The following PCYT2 variants were observed in gnomAD, a reference collection of about 807,000 sequenced individuals.
PCYT2 encodes ethanolamine-phosphate cytidylyltransferase.
Under a neutral mutation model 50.0 loss-of-function variants are expected in PCYT2, and 33 were observed. The observed-to-expected ratio is 0.66, with a 90% confidence interval of 0.50 to 0.88. The LOEUF (loss-of-function observed/expected upper bound fraction) is 0.88. PCYT2 is among the 40% of genes least tolerant of loss of function. PCYT2 has a pLI of 0.00. For missense variants in PCYT2, 430 were observed against 519.7 expected (o/e 0.83, Z 1.68); for synonymous variants, 240 against 203.7 (o/e 1.18, Z -1.52).
chr17:81,901,403 C>G lies in PCYT2; in HGVS notation c.*3430G>C, dbSNP rs35175733. ...ACACCCTCACAGACACACCCAGTGA[C>G]AATACTTTGCATCCTTCAATCCAGT... On this transcript the variant is annotated 3_prime_UTR_variant, in exon 13 of 13. Coordinates refer to ENST00000538936, the MANE Select transcript of PCYT2 (RefSeq NM_002861.5). The G allele has an allele frequency of 6.6e-6, 1 of 152,260 alleles. No homozygotes were observed. Among genetic ancestry groups the G allele is most frequent in the Admixed American group, 6.5e-5 (1 of 15,288 alleles). 9.4% of individuals were successfully genotyped at this position (152,260 alleles called of 1,614,324 possible). A position where few individuals can be genotyped will look rare whatever the true frequency, so the allele number is the denominator to read the frequency against.
rs769297757 is a variant in PCYT2 at position 81,903,724 on chromosome 17, C to T, written c.*1109G>A. Reference sequence around the variant, plus strand: ...GAGAGCCTCGCGTGCACCTCGCCTCCAGCTCCTGTGCTGGGTCGTGAGGTC... The same window carrying T: ...GAGAGCCTCGCGTGCACCTCGCCTCTAGCTCCTGTGCTGGGTCGTGAGGTC... On this transcript the variant is annotated 3_prime_UTR_variant, in exon 13 of 13. Transcript: ENST00000538936. 1 of 152,334 alleles carries T rather than the reference C, an allele frequency of 6.6e-6. No homozygotes were observed. The highest frequency in any genetic ancestry group is 2.4e-5 in the African/African-American group (1 of 41,456). The allele number at this position is 152,334 out of a possible 1,614,324, so 9.4% of individuals were successfully genotyped here.
In PCYT2 at chr17:81,908,968, A is replaced by G. The variant is rs749590346; in HGVS notation, c.248T>C (p.Ile83Thr). 1 of 1,614,006 alleles carries G rather than the reference A, an allele frequency of 6.2e-7. No homozygotes were observed. The highest frequency in any genetic ancestry group is 8.5e-7 in the Non-Finnish European group (1 of 1,180,000). The stretch of plus-strand genomic sequence containing the variant: ...TGGCACCACCTCGTCCACCCATTTG[A>G]TGGCCTGCACCATCTTGTATCTCTC... ...QEERYKMVQA[I>T]KWVDEVVPAA... Residue 83 changes from isoleucine to threonine, a missense_variant, in exon 3 of 13, where the codon ATC (isoleucine) becomes ACC (threonine). Ile to Thr is a moderately conservative substitution (Grantham distance 89). Transcript: ENST00000538936.
In PCYT2 at chr17:81,906,770, G is replaced by A. The variant is rs528044817; in HGVS notation, c.666C>T (p.Phe222=). 36 of 1,612,902 alleles carry A rather than the reference G, an allele frequency of 2.2e-5. No individual in the cohort carries two copies. In the Admixed American group the frequency reaches 2.3e-4, roughly 10 times the overall value. ...AGGCCCAGAGGATACGGAACAGGTC[G>A]AAGGCACCAGCCACATAGATGACTG... ...GETVIYVAGA[F]DLFHIGHVDF... Residue 222 remains phenylalanine (F), a synonymous_variant, in exon 7 of 13, where the codon TTC becomes TTT. Transcript: ENST00000538936.
Position 81,907,803 on chromosome 17 carries a change from C to T in PCYT2, c.462G>A (p.Leu154=). The T allele has an allele frequency of 6.2e-7, 1 of 1,613,408 alleles. No homozygotes were observed. The highest frequency in any genetic ancestry group is 8.5e-7 in the Non-Finnish European group (1 of 1,179,978). The change falls in exon 5 of 13, where the codon CTG becomes CTA. Residue 154 remains leucine (L), a synonymous_variant. Coordinates refer to ENST00000538936, the MANE Select transcript of PCYT2 (RefSeq NM_002861.5). ...TGCTGTGATGGGCTTTGGTTACCAGCAGCATGCGGCCCACGAGGTCTGTGG... is the reference window on the plus strand; with the variant it reads ...TGCTGTGATGGGCTTTGGTTACCAGTAGCATGCGGCCCACGAGGTCTGTGG... ...VSTTDLVGRM[L]LVTKAHHSSQ...
intron 1 of PCYT2, 55 bp downstream of exon 1, chr17:81,911,212 C>A (rs1299358951): frequency 9.8e-7 from 1 of 1,023,796 alleles, no homozygotes; most frequent in East Asian, 9.1e-5. Context: ...GGCGCGGCGC[C>A]CCGGAAGGAA....
At chr17:81,906,414 T>C (rs1331876847) in intron 8 of PCYT2, 50 bp downstream of exon 8, 2 of 1,550,230 alleles carry the variant, frequency 1.3e-6, no homozygotes, top group Non-Finnish European at 8.9e-7. Flanking sequence ...TTAGGGCCCC[T>C]CGAGGGCCCA....
At chr17:81,906,575 T>C in intron 7 of PCYT2, 29 bp from the exon 8 acceptor site, 2 of 1,608,048 alleles carry the variant, frequency 1.2e-6, no homozygotes, top group Non-Finnish European at 1.7e-6. Context: ...GCAGTCGGGA[T>C]GGGGATGACA....
At position 81,909,546 on chromosome 17, in the gene PCYT2, C is replaced by A; in HGVS notation, c.146G>T (p.Gly49Val). 1 of 1,613,726 alleles carries A rather than the reference C, an allele frequency of 6.2e-7. No homozygotes were observed. The highest frequency in any genetic ancestry group is 1.3e-5 in the African/African-American group (1 of 75,060). The change falls in exon 2 of 13, where the codon GGT becomes GTT. Residue 49 changes from glycine (G) to valine (V), a missense_variant. Transcript: ENST00000538936. Reference sequence around the variant, plus strand: ...GTGCACGCCTACGATGAGGTAGTCACCCATGGCCCGTGCCTGGCGCAGCTG... The same window carrying A: ...GTGCACGCCTACGATGAGGTAGTCAACCATGGCCCGTGCCTGGCGCAGCTG... ...SNQLRQARAMGDYLIVGVHTD... is the reference protein window; with the variant it reads ...SNQLRQARAMVDYLIVGVHTD...
At position 81,910,974 on chromosome 17, in the gene PCYT2, G is replaced by A. The variant is rs145406164; in HGVS notation, c.89+293C>T. The A allele has an allele frequency of 1.1e-3, 1,077 of 991,154 alleles. 10 individuals carry two copies. In the African/African-American group the frequency reaches 0.017, roughly 16 times the overall value. 61.4% of individuals were successfully genotyped at this position (991,154 alleles called of 1,614,324 possible). ...GGGCAAGCTGGTTGCTGGTGGTTAC[G>A]GAGAAGCAGGGAGGCCGTGGCTCCA... On this transcript the variant is annotated intron_variant, in intron 1 of 12. Transcript: ENST00000538936.
Position 81,908,979 on chromosome 17 carries a change from C to T in PCYT2, c.237G>A (p.Met79Ile). 6.2e-7 allele frequency: 1 copy of T among 1,614,050 alleles called. No homozygotes were observed. ...PVFTQEERYK[M>I]VQAIKWVDEV... ...CGTCCACCCATTTGATGGCCTGCAC[C>T]ATCTTGTATCTCTCCTCCTGAGTGA... The change falls in exon 3 of 13, where the codon ATG becomes ATA. Residue 79 changes from methionine to isoleucine, a missense_variant. Met to Ile is a conservative substitution (Grantham distance 10, BLOSUM62 1). Transcript: ENST00000538936.
Position 81,904,234 on chromosome 17 carries a change from G to A in PCYT2, c.*599C>T, listed in dbSNP as rs2040111836. The A allele has an allele frequency of 6.6e-6, 1 of 152,402 alleles. No homozygotes were observed. The highest frequency in any genetic ancestry group is 6.5e-5 in the Admixed American group (1 of 15,286). 9.4% of individuals were successfully genotyped at this position (152,402 alleles called of 1,614,324 possible). On this transcript the variant is annotated 3_prime_UTR_variant, in exon 13 of 13. Transcript: ENST00000538936. ...CCAGCAGGGCTGGGAGCCCCGCGCA[G>A]CACTGCCACCAGGCTTTATTCGGTT...
At position 81,902,589 on chromosome 17, in the gene PCYT2, G is replaced by T; in HGVS notation, c.*2244C>A. On this transcript the variant is annotated 3_prime_UTR_variant, in exon 13 of 13. Coordinates refer to ENST00000538936, the MANE Select transcript of PCYT2 (RefSeq NM_002861.5). ...GCAGGACGTGGGTGGGGGTGCGGCGGCCCCTCAGCCTTTGCTTGCCTGCCC... is the reference window on the plus strand; with the variant it reads ...GCAGGACGTGGGTGGGGGTGCGGCGTCCCCTCAGCCTTTGCTTGCCTGCCC... The T allele has an allele frequency of 6.5e-7, 1 of 1,528,374 alleles. No individual in the cohort carries two copies. Among genetic ancestry groups the T allele is most frequent in the South Asian group, 1.2e-5 (1 of 82,596 alleles). 94.7% of individuals were successfully genotyped at this position (1,528,374 alleles called of 1,614,324 possible). A position where few individuals can be genotyped will look rare whatever the true frequency, so the allele number is the denominator to read the frequency against.
intron 4 of PCYT2, among the ~76,000 whole-genome samples, chr17:81,908,113 A>G (rs533841604): frequency 2.3e-4 from 35 of 152,266 alleles, no homozygotes; most frequent in Admixed American, 1.8e-3. Context: ...CAGGTGTGCA[A>G]TGCCAGGGAG....
chr17:81,906,248 C>A (rs542624660), intron 8 of PCYT2, 71 bp from the exon 9 acceptor site: 1 of 1,389,800 alleles, frequency 7.2e-7, no homozygotes, highest in Non-Finnish European at 9.9e-7. Context: ...TCCCGGCTGT[C>A]CCTCATGGGA....
At position 81,907,819 on chromosome 17, in the gene PCYT2, A is replaced by G. The variant is rs1240539975; in HGVS notation, c.446T>C (p.Leu149Pro). The change falls in exon 5 of 13, where the codon CTC (leucine) becomes CCC (proline). Residue 149 changes from leucine (L) to proline (P), a missense_variant. Coordinates refer to ENST00000538936, the MANE Select transcript of PCYT2 (RefSeq NM_002861.5). ...GGTTACCAGCAGCATGCGGCCCACG[A>G]GGTCTGTGGTGGACACCCCTTGCGT... is the stretch of plus-strand genomic sequence containing the variant. ...KRTQGVSTTD[L>P]VGRMLLVTKA... The G allele has an allele frequency of 1.9e-6, 3 of 1,613,136 alleles. No homozygotes were observed. The highest frequency in any genetic ancestry group is 2.5e-6 in the Non-Finnish European group (3 of 1,179,872).
rs533319940 is a variant in PCYT2 at position 81,904,779 on chromosome 17, C to T, written c.*54G>A. ...GGCCCTGCAGAGTCCTATGTCCAAACGCAGAAGGCGCAGAAGCAGAGCAGG... is the reference window on the plus strand; with the variant it reads ...GGCCCTGCAGAGTCCTATGTCCAAATGCAGAAGGCGCAGAAGCAGAGCAGG... On this transcript the variant is annotated 3_prime_UTR_variant, in exon 13 of 13. Coordinates refer to ENST00000538936, the MANE Select transcript of PCYT2 (RefSeq NM_002861.5). 2.5e-4 allele frequency: 317 copies of T among 1,252,820 alleles called. 1 individual carries two copies. Among genetic ancestry groups the T allele is most frequent in the Admixed American group, 3.3e-4 (17 of 51,200 alleles). 77.6% of individuals were successfully genotyped at this position (1,252,820 alleles called of 1,614,324 possible).
At chr17:81,907,950 G>T in intron 4 of PCYT2, 93 bp from the exon 5 acceptor site, 2 of 1,062,344 alleles carry the variant, frequency 1.9e-6, no homozygotes, top group Non-Finnish European at 1.4e-6. Context: ...CAGCCCTGCT[G>T]TGGCAGAACC....
chr17:81,902,837 C>G lies in PCYT2; in HGVS notation c.*1996G>C. On this transcript the variant is annotated 3_prime_UTR_variant, in exon 13 of 13. Transcript: ENST00000538936. ...GGCCCCTCCGGCGCGGGATGGCGCC[C>G]CAGGTCTCCCCTACTCCGCTCACCC... 8.4e-7 allele frequency: 1 copy of G among 1,187,732 alleles called. No homozygotes were observed. The highest frequency in any genetic ancestry group is 1.2e-6 in the Non-Finnish European group (1 of 860,736). The allele number at this position is 1,187,732 out of a possible 1,614,324, so 73.6% of individuals were successfully genotyped here. A position where few individuals can be genotyped will look rare whatever the true frequency, so the allele number is the denominator to read the frequency against.
chr17:81,909,767 G>A (rs1369829390), intron 1 of PCYT2, among the ~76,000 whole-genome samples, 165 bp from the exon 2 acceptor site: 1 of 152,188 alleles, frequency 6.6e-6, no homozygotes, highest in African/African-American at 2.4e-5. Flanking sequence ...TAGGTGCTCA[G>A]CTCTCCACCC....
Sources: allele counts gnomAD v4.1 joint callset (sites outside exome capture counted in the v4.1 genomes callset), GRCh38; gene constraint gnomAD v4.1.1; transcripts MANE v1.5; gene names NCBI Gene and HGNC (gene_info 2026-07-23, HGNC 2026-07-21).